The following GON4L variants were observed in gnomAD, a reference collection of about 807,000 sequenced individuals.
GON4L encodes the protein gon-4 like.
A neutral mutation model predicts 211.8 loss-of-function variants in GON4L; 87 were observed. The observed-to-expected ratio is 0.41, with a 90% CI of 0.35 to 0.49. The LOEUF (loss-of-function observed/expected upper bound fraction) is 0.49, where lower values mean the gene tolerates loss of function less well. Ranked by LOEUF, GON4L falls within the 20% of genes least tolerant of loss-of-function variation. The pLI, the probability that GON4L is intolerant of heterozygous loss-of-function variation, is 0.15. For synonymous variants in GON4L, 875 were observed against 962.6 expected (o/e 0.91, Z 1.68); for missense variants, 2,155 against 2,659.5 (o/e 0.81, Z 4.17).
chr1:155,768,514 G>A (rs186860306), intron 19 of GON4L, among the ~76,000 whole-genome samples: 1 of 151,544 alleles, frequency 6.6e-6, no homozygotes, highest in East Asian at 2.0e-4. Flanking sequence ...AGGAGGCTCA[G>A]GCAGGAGAAT....
At chr1:155,835,704 G>A (rs1390241895) in intron 2 of GON4L, among the ~76,000 whole-genome samples, 2 of 152,132 alleles carry the variant, frequency 1.3e-5, no homozygotes, top group Non-Finnish European at 2.9e-5. Context: ...CAGCTAGCCA[G>A]CAATCCGCAG....
intron 12 of GON4L, among the ~76,000 whole-genome samples, chr1:155,791,359 A>G (rs1200099895): frequency 6.6e-6 from 1 of 151,908 alleles, no homozygotes; most frequent in African/African-American, 2.4e-5. Flanking sequence ...GTAACAGGGG[A>G]AAAGTTTAAA....
At chr1:155,779,342 G>C (rs1001244641) in intron 14 of GON4L, among the ~76,000 whole-genome samples, 5 of 151,530 alleles carry the variant, frequency 3.3e-5, no homozygotes, top group Non-Finnish European at 7.4e-5. Flanking sequence ...TTTTGAGACG[G>C]AGTCTCGCTC....
intron 10 of GON4L, among the ~76,000 whole-genome samples, chr1:155,809,657 TTATA>T (rs1487055395): frequency 3.5e-4 from 17 of 48,102 alleles, no homozygotes; most frequent in African/African-American, 1.6e-3. Flanking sequence ...TACTTATAAA[TTATA>T]TACTTATATA....
chr1:155,811,848 C>G (rs1038050054), intron 10 of GON4L, among the ~76,000 whole-genome samples: 4 of 147,026 alleles, frequency 2.7e-5, no homozygotes, highest in Admixed American at 1.4e-4. Context: ...GTCAGGAGAT[C>G]AAGATCATCC....
chr1:155,751,686 A>T, intron 31 of GON4L, 81 bp downstream of exon 31: 4 of 905,654 alleles, frequency 4.4e-6, no homozygotes, highest in Non-Finnish European at 7.2e-6. Flanking sequence ...TGGATATCAA[A>T]ACTCCTTCTT....
intron 16 of GON4L, among the ~76,000 whole-genome samples, chr1:155,775,473 G>A (rs1279894747): frequency 1.4e-5 from 2 of 146,136 alleles, no homozygotes; most frequent in Admixed American, 6.9e-5. Context: ...TTTTTTTTTC[G>A]AGACGGAGTT....
chr1:155,820,804 G>C, intron 5 of GON4L, 148 bp from the exon 6 acceptor site: 1 of 663,964 alleles, frequency 1.5e-6, no homozygotes, highest in Non-Finnish European at 2.7e-6. Flanking sequence ...AACAGAGTGA[G>C]ACACCCTCCC....
At position 155,757,904 on chromosome 1, in the gene GON4L, T is replaced by C; in HGVS notation, c.5240A>G (p.Gln1747Arg). 2.8e-6 allele frequency: 1 copy of C among 353,048 alleles called. No individual in the cohort carries two copies. Among genetic ancestry groups the C allele is most frequent in the Admixed American group, 6.3e-5 (1 of 15,984 alleles). The allele number at this position is 353,048 out of a possible 1,614,324, so 21.9% of individuals were successfully genotyped here. The change falls in exon 25 of 32, where the codon CAG (glutamine) becomes CGG (arginine). Residue 1747 changes from glutamine (Q) to arginine (R), a missense_variant. Physicochemically the swap from Gln to Arg is conservative, Grantham distance 43. This residue lies in a region of GON4L where 455 missense variants were observed against 504.6 expected (regional missense o/e 0.90). Transcript: ENST00000368331. ...AGGAAAGAATACCTCGGTGATCTCC[T>C]GGGGAAGGCAGTCTGCACAGCCTTG... The part of the protein sequence containing the change: ...VLQGCADCLP[Q>R]EITELKTQMW...
intron 3 of GON4L, among the ~76,000 whole-genome samples, chr1:155,824,434 CAAAAA>C (rs769823401): frequency 1.6e-3 from 12 of 7,438 alleles, no homozygotes; most frequent in African/African-American, 5.7e-3. Context: ...AACTCCACAT[CAAAAA>C]AAAAAAAAAA....
Position 155,853,515 on chromosome 1 carries a change from A to G in GON4L, c.266T>C (p.Val89Ala), listed in dbSNP as rs1328604166. ...SSGMLTQNTNVPILEGVDVAI... is the reference protein window; with the variant it reads ...SSGMLTQNTNAPILEGVDVAI... The stretch of plus-strand genomic sequence containing the variant: ...CACATCAACACCTTCTAGAATTGGT[A>G]CATTTGTGTTCTGGGTGAGCATTCC... The change falls in exon 2 of 32, where the codon GTA becomes GCA. Residue 89 changes from valine (V) to alanine (A), a missense_variant. This residue lies in a region of GON4L where 313 missense variants were observed against 293.2 expected (regional missense o/e 1.07). Transcript: ENST00000368331. 6.2e-7 allele frequency: 1 copy of G among 1,614,224 alleles called. No individual in the cohort carries two copies. Among genetic ancestry groups the G allele is most frequent in the Non-Finnish European group, 8.5e-7 (1 of 1,180,028 alleles).
Position 155,753,941 on chromosome 1 carries a change from C to T in GON4L, c.5631+434G>A. Reference sequence around the variant, plus strand: ...CTGGAGCTCAGTGGTATCATCATGGCTCACTGCAACCTCTGCCTCCCTGCT... The same window carrying T: ...CTGGAGCTCAGTGGTATCATCATGGTTCACTGCAACCTCTGCCTCCCTGCT... On this transcript the variant is annotated intron_variant, in intron 28 of 31. Transcript: ENST00000368331. The T allele has an allele frequency of 7.6e-6, 2 of 264,514 alleles. 1 individual carries two copies. Among genetic ancestry groups the T allele is most frequent in the South Asian group, 8.3e-5 (2 of 24,140 alleles). 16.4% of individuals were successfully genotyped at this position (264,514 alleles called of 1,614,324 possible). A position where few individuals can be genotyped will look rare whatever the true frequency, so the allele number is the denominator to read the frequency against.
intron 28 of GON4L, 195 bp downstream of exon 28, chr1:155,754,180 C>A: frequency 4.7e-6 from 3 of 641,278 alleles, no homozygotes; most frequent in Admixed American, 2.3e-5. Flanking sequence ...GCTTTACTCA[C>A]AGAATTCTCT....
intron 7 of GON4L, 85 bp from the exon 8 acceptor site, chr1:155,815,985 G>GAAAA: frequency 1.5e-6 from 1 of 645,300 alleles, no homozygotes; most frequent in Admixed American, 2.6e-5. Flanking sequence ...AAGCAGGGCA[G>GAAAA]AAAAAAAAAA....
chr1:155,780,464 G>A (rs1475214835), intron 14 of GON4L, among the ~76,000 whole-genome samples: 2 of 151,948 alleles, frequency 1.3e-5, no homozygotes, highest in East Asian at 1.9e-4. Context: ...GTGGTGATGC[G>A]TGCCTGTAAT....
At chr1:155,799,102 T>G (rs1035604530) in intron 11 of GON4L, among the ~76,000 whole-genome samples, 12 of 152,206 alleles carry the variant, frequency 7.9e-5, no homozygotes, top group Admixed American at 1.3e-4. Context: ...ATTGGCTTTG[T>G]GTGCTCTTTT....
At chr1:155,857,712 G>C (rs1672405041), upstream of GON4L, among the ~76,000 whole-genome samples, 1 of 141,250 alleles carries the variant, frequency 7.1e-6, no homozygotes, top group Non-Finnish European at 1.5e-5. Flanking sequence ...CTGAGCGACA[G>C]TGAGACTCTG....
chr1:155,822,420 T>C lies in GON4L; in HGVS notation c.754A>G (p.Arg252Gly). 1 of 1,613,998 alleles carries C rather than the reference T, an allele frequency of 6.2e-7. No homozygotes were observed. The change falls in exon 4 of 32, where the codon AGG (arginine) becomes GGG (glycine). Residue 252 changes from arginine to glycine, a missense_variant. This residue lies in a region of GON4L where 313 missense variants were observed against 293.2 expected (regional missense o/e 1.07). Transcript: ENST00000368331. ...KRRKKKKGTK[R>G]KRDGRGQEGT... ...TCTTGACCCCTTCCATCTCGTTTCC[T>C]CTTGGTACCCTTTTTCTTTTTTCTC...
intron 14 of GON4L, among the ~76,000 whole-genome samples, chr1:155,780,808 G>C (rs1306836680): frequency 2.0e-5 from 3 of 152,084 alleles, no homozygotes. Flanking sequence ...AAGACCTGCT[G>C]ATGTAGTTAC....
Sources: gnomAD v4.1 joint callset for allele counts (sites outside exome capture counted in the v4.1 genomes callset) on GRCh38, gnomAD v4.1.1 for gene constraint, gnomAD v4.1.1 regional missense constraint, MANE v1.5 for transcripts, NCBI Gene and HGNC (gene_info 2026-07-23, HGNC 2026-07-21) for gene names.